Variants in OSBPL3 observed in about 807,000 individuals in gnomAD.
OSBPL3 encodes oxysterol binding protein like 3.
OSBPL3 carries 65 observed loss-of-function variants against 120.1 expected under a neutral mutation model. The ratio of observed to expected loss-of-function variants is 0.54; its 90% CI spans 0.44 to 0.67. The LOEUF is 0.67. Among genes scored for constraint, OSBPL3 ranks in the 30% least tolerant of loss-of-function variants. OSBPL3 has a pLI of 0.00. For synonymous variants in OSBPL3, 416 were observed against 402.6 expected, an observed-to-expected ratio of 1.03 and a Z score of -0.40; for missense variants, 1,004 against 1,082.1, an observed-to-expected ratio of 0.93 and a Z score of 1.01.
At position 24,913,516 on chromosome 7, in the gene OSBPL3, G is replaced by A. The variant is rs141854674; in HGVS notation, c.-149-20895C>T. On this transcript the variant is annotated intron_variant, in intron 1 of 22. Coordinates refer to ENST00000313367, the MANE Select transcript of OSBPL3 (RefSeq NM_015550.4). The surrounding 1 kb of genome is among the most constrained non-coding windows in gnomAD (Gnocchi z 5.3). ...AAAGTCACTTACAAGAAGCAGACAC[G>A]GTCTAGTGTGGGGGCCAATCAGCTG... Among the ~76,000 whole-genome samples the A allele has an allele frequency of 5.9e-5, 9 of 152,182 alleles. No homozygotes were observed. In the East Asian group the frequency reaches 7.7e-4, roughly 13 times the overall value.
Position 24,853,071 on chromosome 7 carries a change from G to T in OSBPL3, c.1028-437C>A, listed in dbSNP as rs138120946. Among the ~76,000 whole-genome samples, 344 of 152,288 alleles carry T rather than the reference G, an allele frequency of 2.3e-3. 2 individuals carry two copies. The highest frequency in any genetic ancestry group is 5.9e-3 in the Admixed American group (90 of 15,298). On this transcript the variant is annotated intron_variant, in intron 10 of 22. Coordinates refer to ENST00000313367, the MANE Select transcript of OSBPL3 (RefSeq NM_015550.4). ...GCCCCTATCCACTGTAATGTCTCATGACTTTATGACTTATCATCAGGATTT... is the reference window on the plus strand; with the variant it reads ...GCCCCTATCCACTGTAATGTCTCATTACTTTATGACTTATCATCAGGATTT...
chr7:24,808,257 G>T lies in OSBPL3; in HGVS notation c.2318-1355C>A, dbSNP rs1793315648. On this transcript the variant is annotated intron_variant, in intron 20 of 22. Coordinates refer to ENST00000313367, the MANE Select transcript of OSBPL3 (RefSeq NM_015550.4). This position sits in a 1 kb window ranked among gnomAD's most constrained non-coding sequence, Gnocchi z 4.6. The stretch of plus-strand genomic sequence containing the variant: ...CCTTGTAACTAGTCTAATTCTCTGT[G>T]TATCCTAAGCATAAAAATAGTAGCA... Among the ~76,000 whole-genome samples, 1 of 152,142 alleles carries T rather than the reference G, an allele frequency of 6.6e-6. No homozygotes were observed.
intron 1 of OSBPL3, among the ~76,000 whole-genome samples, chr7:24,960,894 A>G (rs1815650303): frequency 6.6e-6 from 1 of 152,220 alleles, no homozygotes; most frequent in African/African-American, 2.4e-5. Flanking sequence ...TCAAGGTTTT[A>G]ATTACACCCC....
chr7:24,873,588 G>C lies in OSBPL3; in HGVS notation c.97-1519C>G, dbSNP rs1317219665. Among the ~76,000 whole-genome samples the C allele has an allele frequency of 6.6e-6, 1 of 152,010 alleles. No homozygotes were observed. The highest frequency in any genetic ancestry group is 1.5e-5 in the Non-Finnish European group (1 of 68,000). ...GAAAAAAGATCCAGCTTTTAAATTA[G>C]AGGATTTTTTTTTTAAGGAAGGTAG... On this transcript the variant is annotated intron_variant, in intron 2 of 22. Coordinates refer to ENST00000313367, the MANE Select transcript of OSBPL3 (RefSeq NM_015550.4). This position sits in a 1 kb window ranked among gnomAD's most constrained non-coding sequence, Gnocchi z 4.1.
chr7:24,840,829 G>C (rs1394713560), intron 13 of OSBPL3, 46 bp from the exon 14 acceptor site: 1 of 875,902 alleles, frequency 1.1e-6, no homozygotes, highest in Non-Finnish European at 1.8e-6. Flanking sequence ...GAATAAACAA[G>C]AGCCAGATTT....
At chr7:24,868,926 T>C (rs1299284341) in intron 5 of OSBPL3, among the ~76,000 whole-genome samples, 2 of 152,186 alleles carry the variant, frequency 1.3e-5, no homozygotes, top group East Asian at 3.9e-4. Flanking sequence ...TAAATAACTG[T>C]CCAGGGTCCT....
chr7:24,880,856 CT>C lies in OSBPL3; in HGVS notation c.97-8788del, dbSNP rs535312879. On this transcript the variant is annotated intron_variant, in intron 2 of 22. Coordinates refer to ENST00000313367, the MANE Select transcript of OSBPL3 (RefSeq NM_015550.4). ...TGGGGCCTGAGGTGAGATATTTTTC[CT>C]TTTTATATCACCCAGGACTGTTTTA... Among the ~76,000 whole-genome samples the C allele has an allele frequency of 5.9e-5, 9 of 152,160 alleles. No homozygotes were observed. In the South Asian group the frequency reaches 1.9e-3, roughly 32 times the overall value.
Position 24,800,124 on chromosome 7 carries a change from C to T in OSBPL3, c.*59G>A. The stretch of plus-strand genomic sequence containing the variant: ...TTAAATATATAAACACAGGTTTGTG[C>T]CACTTCAGAAGGCAAGCACAGGAGA... On this transcript the variant is annotated 3_prime_UTR_variant, in exon 23 of 23. Transcript: ENST00000313367. 2.2e-6 allele frequency: 2 copies of T among 927,034 alleles called. No homozygotes were observed. Among genetic ancestry groups the T allele is most frequent in the East Asian group, 2.5e-5 (1 of 40,492 alleles). 57.4% of individuals were successfully genotyped at this position (927,034 alleles called of 1,614,324 possible). A position where few individuals can be genotyped will look rare whatever the true frequency, so the allele number is the denominator to read the frequency against.
In OSBPL3 at chr7:24,817,131, G is replaced by A. The variant is rs1794573096; in HGVS notation, c.1949-443C>T. On this transcript the variant is annotated intron_variant, in intron 17 of 22. Coordinates refer to ENST00000313367, the MANE Select transcript of OSBPL3 (RefSeq NM_015550.4). The surrounding 1 kb of genome is among the most constrained non-coding windows in gnomAD (Gnocchi z 4.0). The stretch of plus-strand genomic sequence containing the variant: ...CAATTTAAGGCCAAATAAATAGCTT[G>A]TCTGAGGGGACGGAAGTATAGGAAA... Among the ~76,000 whole-genome samples the A allele has an allele frequency of 6.6e-6, 1 of 152,218 alleles. No homozygotes were observed. Among genetic ancestry groups the A allele is most frequent in the South Asian group, 2.1e-4 (1 of 4,832 alleles).
chr7:24,941,003 T>C (rs1296499833), intron 1 of OSBPL3, among the ~76,000 whole-genome samples: 1 of 152,044 alleles, frequency 6.6e-6, no homozygotes, highest in African/African-American at 2.4e-5. Flanking sequence ...GTATTTTTAG[T>C]AGAGACGGGG....
intron 12 of OSBPL3, among the ~76,000 whole-genome samples, chr7:24,845,384 T>TTAAAAAAAAAAA (rs1798287457): frequency 8.0e-5 from 5 of 62,250 alleles, no homozygotes; most frequent in Admixed American, 5.2e-4. Flanking sequence ...GCAAAATAAG[T>TTAAAAAAAAAAA]AAAAAAAAAA....
rs10712873 is a variant in OSBPL3 at position 24,847,059 on chromosome 7, CAA to C, written c.1266+2008_1266+2009del. Among the ~76,000 whole-genome samples the C allele has an allele frequency of 6.6e-3, 701 of 106,230 alleles. 8 individuals are homozygous for C. In the East Asian group the frequency reaches 0.08, roughly 12 times the overall value. 69.7% of individuals were successfully genotyped at this position (106,230 alleles called of 152,430 possible). On this transcript the variant is annotated intron_variant, in intron 12 of 22. Transcript: ENST00000313367. ...TGGGCGACAGAGCGAGACTCTGTCT[CAA>C]AAAAAAAAAAAAAAAAAGAAAGAAA...
At chr7:24,866,467 G>A (rs1422047695) in intron 5 of OSBPL3, among the ~76,000 whole-genome samples, 1 of 152,036 alleles carries the variant, frequency 6.6e-6, no homozygotes. Flanking sequence ...GTGAAACCCT[G>A]TCTCTACAAA....
chr7:24,917,411 T>TATATATATATATATATATATATGTAAC (rs1809771897), intron 1 of OSBPL3, among the ~76,000 whole-genome samples: 1 of 137,600 alleles, frequency 7.3e-6, no homozygotes, highest in African/African-American at 2.9e-5. Flanking sequence ...CATATATATA[T>TATATATATATATATATATATATGTAAC]ATATATATAT....
chr7:24,842,024 A>T (rs151300444), intron 13 of OSBPL3, among the ~76,000 whole-genome samples: 1,957 of 152,254 alleles, frequency 0.013, 22 homozygotes, highest in Non-Finnish European at 0.021. Context: ...AAAAAAAAAA[A>T]AGTATAACAA....
rs1795103121 is a variant in OSBPL3 at position 24,821,257 on chromosome 7, G to A, written c.1885-1019C>T. On this transcript the variant is annotated intron_variant, in intron 16 of 22. Coordinates refer to ENST00000313367, the MANE Select transcript of OSBPL3 (RefSeq NM_015550.4). This position sits in a 1 kb window ranked among gnomAD's most constrained non-coding sequence, Gnocchi z 5.5. The stretch of plus-strand genomic sequence containing the variant: ...AGAAAGATAAAGTAACATTTCCCAA[G>A]CCACACCAATAGTCAGGGAAGAGGT... Among the ~76,000 whole-genome samples, 1 of 152,196 alleles carries A rather than the reference G, an allele frequency of 6.6e-6. No individual in the cohort carries two copies. The highest frequency in any genetic ancestry group is 1.5e-5 in the Non-Finnish European group (1 of 68,028).
At chr7:24,927,415 A>G (rs1811197870) in intron 1 of OSBPL3, among the ~76,000 whole-genome samples, 1 of 152,200 alleles carries the variant, frequency 6.6e-6, no homozygotes, top group South Asian at 2.1e-4. Flanking sequence ...CAAATCCTCT[A>G]AACTTCCTCC....
intron 1 of OSBPL3, among the ~76,000 whole-genome samples, chr7:24,907,950 C>T (rs560420210): frequency 2.0e-5 from 3 of 152,324 alleles, no homozygotes; most frequent in African/African-American, 7.2e-5. Flanking sequence ...AGTGTGAGCA[C>T]ATTTATTTAT....
At chr7:24,810,709 C>T (rs977382615) in intron 19 of OSBPL3, among the ~76,000 whole-genome samples, 1 of 152,140 alleles carries the variant, frequency 6.6e-6, no homozygotes, top group African/African-American at 2.4e-5. Context: ...CCTGGCAAAC[C>T]CATATCAACC....
Sources: allele counts gnomAD v4.1 joint callset (sites outside exome capture counted in the v4.1 genomes callset), GRCh38; gene constraint gnomAD v4.1.1; non-coding constraint Gnocchi (gnomAD v3.1); transcripts MANE v1.5; gene names NCBI Gene and HGNC (gene_info 2026-07-23, HGNC 2026-07-21).